The following CAMK2D variants were observed in gnomAD, a reference collection of about 807,000 sequenced individuals.
CAMK2D encodes calcium/calmodulin dependent protein kinase II delta.
In CAMK2D, 37 loss-of-function variants were observed where a neutral mutation model predicts 84.0. That is an observed-to-expected ratio of 0.44 (90% CI 0.34 to 0.58). CAMK2D has a LOEUF of 0.58. Among genes scored for constraint, CAMK2D ranks in the 20% least tolerant of loss-of-function variants. The pLI is 0.02. For missense variants in CAMK2D, 448 were observed against 652.5 expected (o/e 0.69, Z 3.41); for synonymous variants, 202 against 212.5 (o/e 0.95, Z 0.43).
At chr4:113,641,812 A>T (rs2154294902) in intron 3 of CAMK2D, among the ~76,000 whole-genome samples, 1 of 152,170 alleles carries the variant, frequency 6.6e-6, no homozygotes, top group Admixed American at 6.5e-5. Flanking sequence ...GTTCAAGACC[A>T]GCCTGACCAA....
At chr4:113,523,258 A>G (rs372707041) in intron 8 of CAMK2D, among the ~76,000 whole-genome samples, 11 of 152,322 alleles carry the variant, frequency 7.2e-5, no homozygotes, top group African/African-American at 2.6e-4. Flanking sequence ...ATATCCTGTA[A>G]TAATCCTAAA....
intron 3 of CAMK2D, among the ~76,000 whole-genome samples, chr4:113,610,476 A>C (rs1346446137): frequency 6.6e-6 from 1 of 152,208 alleles, no homozygotes; most frequent in Non-Finnish European, 1.5e-5. Flanking sequence ...TTATACAAGG[A>C]GACTGTAGTA....
Position 113,761,151 on chromosome 4 carries a change from C to T in CAMK2D, c.-83G>A. ...GCGGCTAACCCCGGGACTGGCCCCG[C>T]GGCGCTGTCACCCAGGGCCGCTCTT... On this transcript the variant is annotated 5_prime_UTR_variant, in exon 1 of 21. Transcript: ENST00000511664. The T allele has an allele frequency of 6.3e-7, 1 of 1,596,576 alleles. No individual in the cohort carries two copies. The highest frequency in any genetic ancestry group is 8.5e-7 in the Non-Finnish European group (1 of 1,173,238).
chr4:113,607,069 G>T (rs973771600), intron 4 of CAMK2D, among the ~76,000 whole-genome samples: 1 of 151,824 alleles, frequency 6.6e-6, no homozygotes, highest in African/African-American at 2.4e-5. Flanking sequence ...ATCGAGACAA[G>T]CTCAGAAAAA....
intron 2 of CAMK2D, among the ~76,000 whole-genome samples, chr4:113,757,709 A>G (rs1429513593): frequency 1.3e-5 from 2 of 152,190 alleles, no homozygotes; most frequent in Non-Finnish European, 2.9e-5. Flanking sequence ...TTGAAGCAGA[A>G]TATGAGCAAG....
intron 3 of CAMK2D, among the ~76,000 whole-genome samples, chr4:113,613,530 GAA>G (rs2099009238): frequency 6.6e-6 from 1 of 152,108 alleles, no homozygotes; most frequent in South Asian, 2.1e-4. Context: ...CACAGAAAAA[GAA>G]AACCATTTTG....
intron 4 of CAMK2D, among the ~76,000 whole-genome samples, chr4:113,570,383 C>T (rs1409762322): frequency 6.6e-6 from 1 of 152,158 alleles, no homozygotes; most frequent in Non-Finnish European, 1.5e-5. Flanking sequence ...ATCACACTAT[C>T]TGATTTCAAA....
chr4:113,640,064 AGG>A (rs2154293535), intron 3 of CAMK2D, among the ~76,000 whole-genome samples: 1 of 151,942 alleles, frequency 6.6e-6, no homozygotes, highest in South Asian at 2.1e-4. Context: ...AGAGGTAGAG[AGG>A]ATGACACCAG....
intron 2 of CAMK2D, among the ~76,000 whole-genome samples, chr4:113,696,125 G>C (rs984716546): frequency 2.0e-5 from 3 of 151,584 alleles, no homozygotes; most frequent in African/African-American, 7.3e-5. Context: ...TACTAAGGGA[G>C]GTCTTTGCTA....
At chr4:113,664,355 G>C (rs2099249312) in intron 2 of CAMK2D, among the ~76,000 whole-genome samples, 1 of 152,166 alleles carries the variant, frequency 6.6e-6, no homozygotes, top group South Asian at 2.1e-4. Flanking sequence ...CAGGAACCTG[G>C]GCATATCTTA....
At chr4:113,664,094 C>T (rs2099248316) in intron 2 of CAMK2D, among the ~76,000 whole-genome samples, 1 of 152,032 alleles carries the variant, frequency 6.6e-6, no homozygotes, top group Non-Finnish European at 1.5e-5. Context: ...ATCTACAAGG[C>T]CAAGGAGAAA....
At chr4:113,632,344 C>G (rs80151694) in intron 3 of CAMK2D, among the ~76,000 whole-genome samples, 1 of 151,904 alleles carries the variant, frequency 6.6e-6, no homozygotes, top group African/African-American at 2.4e-5. Flanking sequence ...CTGCCTCAGC[C>G]TCCCAAGTAG....
intron 4 of CAMK2D, among the ~76,000 whole-genome samples, chr4:113,589,423 A>G (rs2098849133): frequency 6.6e-6 from 1 of 152,200 alleles, no homozygotes; most frequent in Non-Finnish European, 1.5e-5. Context: ...AAGTTGAGAT[A>G]TGCCTAGCAT....
At chr4:113,467,639 G>A (rs1421718892) in intron 16 of CAMK2D, among the ~76,000 whole-genome samples, 1 of 152,092 alleles carries the variant, frequency 6.6e-6, no homozygotes, top group Non-Finnish European at 1.5e-5. Flanking sequence ...AACATTTCTT[G>A]CCCTTGCTCA....
intron 2 of CAMK2D, among the ~76,000 whole-genome samples, chr4:113,737,690 T>C (rs1381470390): frequency 6.6e-6 from 1 of 152,228 alleles, no homozygotes; most frequent in Non-Finnish European, 1.5e-5. Flanking sequence ...TAACTGCATC[T>C]ATCCTTCACT....
At chr4:113,547,566 G>T (rs1378843986) in intron 6 of CAMK2D, 78 bp downstream of exon 6, 1 of 802,954 alleles carries the variant, frequency 1.2e-6, no homozygotes, top group Non-Finnish European at 1.9e-6. Context: ...TCATATTTTT[G>T]CCTTTACAGG....
At chr4:113,508,644 TAAATGG>T (rs1351192831) in intron 13 of CAMK2D, among the ~76,000 whole-genome samples, 3 of 152,208 alleles carry the variant, frequency 2.0e-5, no homozygotes, top group African/African-American at 7.2e-5. Flanking sequence ...AAGCAATTGG[TAAATGG>T]AAATGGCATC....
At chr4:113,657,564 A>G (rs906037921) in intron 3 of CAMK2D, among the ~76,000 whole-genome samples, 8 of 152,186 alleles carry the variant, frequency 5.3e-5, no homozygotes, top group Non-Finnish European at 1.0e-4. Context: ...ATCAAATATT[A>G]AAAGTTGAGC....
intron 4 of CAMK2D, among the ~76,000 whole-genome samples, chr4:113,596,565 G>A (rs2098927619): frequency 6.6e-6 from 1 of 152,160 alleles, no homozygotes; most frequent in Non-Finnish European, 1.5e-5. Flanking sequence ...TGGATGTTGG[G>A]TTCGTAGGCA....
Sources: gnomAD v4.1 joint callset for allele counts (sites outside exome capture counted in the v4.1 genomes callset) on GRCh38, gnomAD v4.1.1 for gene constraint, MANE v1.5 for transcripts, NCBI Gene and HGNC (gene_info 2026-07-23, HGNC 2026-07-21) for gene names.